BMS1: variants seen among roughly 807,000 people sequenced by gnomAD.
BMS1 encodes the protein ribosome biogenesis protein BMS1 homolog.
Under a neutral mutation model 138.7 loss-of-function variants are expected in BMS1, and 53 were observed. The ratio of observed to expected loss-of-function variants is 0.38; its 90% confidence interval spans 0.31 to 0.48. The LOEUF is 0.48. BMS1 is among the 20% of genes least tolerant of loss of function. BMS1 has a pLI of 0.97. For synonymous variants in BMS1, 504 were observed against 539.9 expected (o/e 0.93, Z 0.92); for missense variants, 1,360 against 1,565.5 (o/e 0.87, Z 2.22).
At chr10:42,811,621 T>G in intron 13 of BMS1, among the ~76,000 whole-genome samples, 3 of 136,902 alleles carry the variant, frequency 2.2e-5, no homozygotes, top group Non-Finnish European at 3.1e-5. Flanking sequence ...GCCTCCTGGG[T>G]TCACGCCATT....
At chr10:42,798,781 C>T (rs1841779923) in intron 12 of BMS1, among the ~76,000 whole-genome samples, 156 bp downstream of exon 12, 1 of 152,232 alleles carries the variant, frequency 6.6e-6, no homozygotes, top group African/African-American at 2.4e-5. Flanking sequence ...CTTCATGCAT[C>T]CTAAGCAGTA....
intron 11 of BMS1, 91 bp downstream of exon 11, chr10:42,797,614 G>C (rs1475665449): frequency 8.0e-7 from 1 of 1,245,824 alleles, no homozygotes; most frequent in East Asian, 2.4e-5. Flanking sequence ...TGGTATTGTT[G>C]ACATCCATAA....
intron 13 of BMS1, among the ~76,000 whole-genome samples, chr10:42,812,871 G>T (rs946022296): frequency 6.6e-6 from 1 of 152,214 alleles, no homozygotes; most frequent in African/African-American, 2.4e-5. Flanking sequence ...AGGTGCAACC[G>T]TTCTGGCTGA....
Position 42,831,060 on chromosome 10 carries a change from G to A in BMS1, c.3813G>A (p.Lys1271=), listed in dbSNP as rs772083574. ...GGCAGAAGGAAAGAAGAAACCAGAA[G>A]TCCAGTTTGAAGGGGGCTGAGGGCC... ...IQGQKERRNQ[K]SSLKGAEGQL... is the part of the protein sequence containing the mutation. Residue 1271 remains lysine, a synonymous_variant, in exon 23 of 23, where the codon AAG becomes AAA. Coordinates refer to ENST00000374518, the MANE Select transcript of BMS1 (RefSeq NM_014753.4). The A allele has an allele frequency of 6.3e-7, 1 of 1,577,722 alleles. No individual in the cohort carries two copies. Among genetic ancestry groups the A allele is most frequent in the Admixed American group, 1.8e-5 (1 of 54,226 alleles).
At chr10:42,797,911 T>C (rs1481695062) in intron 11 of BMS1, among the ~76,000 whole-genome samples, 1 of 152,226 alleles carries the variant, frequency 6.6e-6, no homozygotes, top group Admixed American at 6.5e-5. Context: ...TGTCCTCTGA[T>C]TTTATGCTTT....
intron 9 of BMS1, 76 bp from the exon 10 acceptor site, chr10:42,796,398 A>G: frequency 7.1e-7 from 1 of 1,404,524 alleles, no homozygotes. Flanking sequence ...TTGTATTTTC[A>G]TTGACTATAT....
At chr10:42,808,418 C>T (rs1842074484) in intron 13 of BMS1, among the ~76,000 whole-genome samples, 1 of 151,824 alleles carries the variant, frequency 6.6e-6, no homozygotes. Flanking sequence ...CCTGCCTCAG[C>T]CTCCCGAGTA....
Position 42,791,378 on chromosome 10 carries a change from C to G in BMS1, c.637-249C>G, listed in dbSNP as rs187087410. Among the ~76,000 whole-genome samples, 4 of 152,236 alleles carry G rather than the reference C, an allele frequency of 2.6e-5. No individual in the cohort carries two copies. In the East Asian group the frequency reaches 7.7e-4, roughly 29 times the overall value. On this transcript the variant is annotated intron_variant, in intron 5 of 22. Coordinates refer to ENST00000374518, the MANE Select transcript of BMS1 (RefSeq NM_014753.4). ...CATTGGCCACAGAACCGTTTCTGTGCTCAGACGCCTCACCTCCCTCTCCTC... is the reference window on the plus strand; with the variant it reads ...CATTGGCCACAGAACCGTTTCTGTGGTCAGACGCCTCACCTCCCTCTCCTC...
intron 12 of BMS1, among the ~76,000 whole-genome samples, chr10:42,799,098 C>T (rs1172987314): frequency 6.6e-6 from 1 of 152,118 alleles, no homozygotes; most frequent in Non-Finnish European, 1.5e-5. Context: ...TCCTCTTAGA[C>T]CTCTTCTCTT....
In BMS1 at chr10:42,820,511, C is replaced by A; in HGVS notation, c.2773C>A (p.Arg925Ser). ...SEGNVGYVQM[R>S]LKKHRWYKKI... ...TCTTACCCTCTCGTCCCCTCAGATG[C>A]GTCTGAAGAAACATCGCTGGTATAA... is the stretch of plus-strand genomic sequence containing the variant. Residue 925 changes from arginine (R) to serine (S), a missense_variant, in exon 17 of 23, where the codon CGT (arginine) becomes AGT (serine). Transcript: ENST00000374518. 1 of 1,610,278 alleles carries A rather than the reference C, an allele frequency of 6.2e-7. No individual in the cohort carries two copies. Among genetic ancestry groups the A allele is most frequent in the Non-Finnish European group, 8.5e-7 (1 of 1,179,094 alleles).
chr10:42,803,316 T>G (rs1841924300), intron 13 of BMS1, among the ~76,000 whole-genome samples: 1 of 152,198 alleles, frequency 6.6e-6, no homozygotes, highest in African/African-American at 2.4e-5. Context: ...TTTTTAAATA[T>G]TTTGTACAGA....
In BMS1 at chr10:42,791,751, C is replaced by G; in HGVS notation, c.761C>G (p.Pro254Arg). 6.2e-7 allele frequency: 1 copy of G among 1,606,638 alleles called. No homozygotes were observed. The highest frequency in any genetic ancestry group is 8.5e-7 in the Non-Finnish European group (1 of 1,178,166). Residue 254 changes from proline to arginine, a missense_variant, in exon 6 of 23, where the codon CCT becomes CGT. Coordinates refer to ENST00000374518, the MANE Select transcript of BMS1 (RefSeq NM_014753.4). ...FRPLTWQTSHPYILADRMEDL... is the reference protein window; with the variant it reads ...FRPLTWQTSHRYILADRMEDL... Reference sequence around the variant, plus strand: ...CCTCTCACATGGCAAACTTCTCACCCTTATATCCTGGCAGACAGGTAAAAT... The same window carrying G: ...CCTCTCACATGGCAAACTTCTCACCGTTATATCCTGGCAGACAGGTAAAAT...
At chr10:42,820,074 G>C (rs1251628845) in intron 15 of BMS1, 162 bp from the exon 16 acceptor site, 1 of 441,268 alleles carries the variant, frequency 2.3e-6, no homozygotes, top group African/African-American at 2.1e-5. Context: ...TTACAGGCGT[G>C]AGCCACTGTA....
chr10:42,815,931 A>T (rs935260977), intron 13 of BMS1, among the ~76,000 whole-genome samples: 3 of 152,236 alleles, frequency 2.0e-5, no homozygotes, highest in African/African-American at 7.2e-5. Flanking sequence ...ATGTGCTGGT[A>T]TCAGCGTGGA....
At position 42,817,322 on chromosome 10, in the gene BMS1, A is replaced by C. The variant is rs1305674972; in HGVS notation, c.2408A>C (p.Glu803Ala). The change falls in exon 15 of 23, where the codon GAA becomes GCA. Residue 803 changes from glutamate (E) to alanine (A), a missense_variant. Glu to Ala is a moderately radical substitution (Grantham distance 107, BLOSUM62 -1). This residue lies in a region of BMS1 where 697 missense variants were observed against 686.2 expected (regional missense o/e 1.02). Transcript: ENST00000374518. Reference protein sequence around the residue: ...KGKSGPNTQNEDIEKEVKEEI... With the variant: ...KGKSGPNTQNADIEKEVKEEI... ...TTTTTCTTCTGGAAATTTAAGAATG[A>C]AGATATAGAGAAAGAAGTTAAGGAA... The C allele has an allele frequency of 1.3e-6, 2 of 1,580,250 alleles. No individual in the cohort carries two copies. Among genetic ancestry groups the C allele is most frequent in the East Asian group, 2.3e-5 (1 of 44,118 alleles).
chr10:42,801,495 T>G (rs1221604243), intron 12 of BMS1, among the ~76,000 whole-genome samples: 2 of 152,252 alleles, frequency 1.3e-5, no homozygotes, highest in Non-Finnish European at 2.9e-5. Flanking sequence ...TCACCAGTTC[T>G]TCACCAGCAC....
chr10:42,802,742 A>C (rs1471744626), intron 13 of BMS1, among the ~76,000 whole-genome samples: 1 of 151,060 alleles, frequency 6.6e-6, no homozygotes, highest in Non-Finnish European at 1.5e-5. Context: ...TTTGTCATTA[A>C]ATTTTTTCAA....
In BMS1 at chr10:42,793,952, A is replaced by T. The variant is rs149844017; in HGVS notation, c.1190A>T (p.Asp397Val). 252 of 1,611,844 alleles carry T rather than the reference A, an allele frequency of 1.6e-4. No individual in the cohort carries two copies. In the African/African-American group the frequency reaches 3.0e-3, roughly 19 times the overall value. ...MASSRVTLFSDSKPLGSEDID... is the reference protein window; with the variant it reads ...MASSRVTLFSVSKPLGSEDID... The stretch of plus-strand genomic sequence containing the variant: ...TCAAGTCGAGTGACGCTGTTTTCTG[A>T]TTCCAAGCCACTTGGGTCAGAGGAT... Residue 397 changes from aspartate to valine, a missense_variant, in exon 9 of 23, where the codon GAT becomes GTT. Asp to Val is a radical substitution (Grantham distance 152). Around this residue, in one of 3 missense-constraint regions of BMS1, gnomAD observed 697 missense variants for 686.2 expected, o/e 1.02. Coordinates refer to ENST00000374518, the MANE Select transcript of BMS1 (RefSeq NM_014753.4).
At chr10:42,785,430 A>G (rs1411225374) in intron 2 of BMS1, 52 bp from the exon 3 acceptor site, 52 of 1,499,154 alleles carry the variant, frequency 3.5e-5, no homozygotes, top group Middle Eastern at 2.5e-4. Flanking sequence ...CTTTTACTCT[A>G]TTTTGAAAAT....
Sources: gnomAD v4.1 joint callset for allele counts (sites outside exome capture counted in the v4.1 genomes callset) on GRCh38, gnomAD v4.1.1 for gene constraint, gnomAD v4.1.1 regional missense constraint, MANE v1.5 for transcripts, NCBI Gene and HGNC (gene_info 2026-07-23, HGNC 2026-07-21) for gene names.